Variants in PELI2 observed in about 807,000 individuals in gnomAD.
PELI2 encodes pellino E3 ubiquitin protein ligase family member 2.
Under a neutral mutation model 42.3 loss-of-function variants are expected in PELI2, and 23 were observed. That is an observed-to-expected ratio of 0.54 (90% CI 0.39 to 0.77). PELI2 has a LOEUF of 0.77. Ranked by LOEUF, PELI2 falls within the 30% of genes least tolerant of loss-of-function variation. The pLI, the probability that PELI2 is intolerant of heterozygous loss-of-function variation, is 0.00. For missense variants in PELI2, 463 were observed against 553.2 expected, an observed-to-expected ratio of 0.84 and a Z score of 1.64; for synonymous variants, 245 against 212.2, an observed-to-expected ratio of 1.15 and a Z score of -1.34.
intron 2 of PELI2, among the ~76,000 whole-genome samples, chr14:56,179,655 T>A (rs1179485551): frequency 2.0e-5 from 3 of 152,166 alleles, no homozygotes; most frequent in Non-Finnish European, 4.4e-5. Context: ...GAAATCCAAC[T>A]TTACGAAGAT....
At chr14:56,258,489 G>A (rs1289957309) in intron 2 of PELI2, among the ~76,000 whole-genome samples, 5 of 152,032 alleles carry the variant, frequency 3.3e-5, no homozygotes, top group African/African-American at 1.2e-4. Context: ...GACGTGGAAT[G>A]TAAAGGGAAA....
At chr14:56,295,554 C>A (rs1367019376) in intron 5 of PELI2, among the ~76,000 whole-genome samples, 1 of 152,178 alleles carries the variant, frequency 6.6e-6, no homozygotes, top group Non-Finnish European at 1.5e-5. Flanking sequence ...CATTTCTGAC[C>A]GTCTGTCATC....
intron 5 of PELI2, among the ~76,000 whole-genome samples, chr14:56,292,411 C>CTGTTTCAATT: frequency 6.6e-6 from 1 of 152,308 alleles, no homozygotes; most frequent in Non-Finnish European, 1.5e-5. Context: ...CTTTGAACTT[C>CTGTTTCAATT]TGTTTCAATT....
chr14:56,198,536 C>G (rs1333363039), intron 2 of PELI2, among the ~76,000 whole-genome samples: 1 of 152,164 alleles, frequency 6.6e-6, no homozygotes, highest in Non-Finnish European at 1.5e-5. Context: ...TGACCACTTG[C>G]AGGTTGGTGG....
intron 2 of PELI2, among the ~76,000 whole-genome samples, chr14:56,226,228 G>A (rs551293593): frequency 8.5e-5 from 13 of 152,110 alleles, no homozygotes; most frequent in Non-Finnish European, 1.9e-4. Flanking sequence ...CAAGGATTTC[G>A]CTCCCAGGTT....
intron 1 of PELI2, chr14:56,119,779 C>T (rs1363480830): frequency 1.0e-6 from 1 of 982,694 alleles, no homozygotes; most frequent in Non-Finnish European, 1.2e-6. Flanking sequence ...TTATTTTTTC[C>T]TTTGGATGTG....
At chr14:56,169,013 G>A (rs541049764) in intron 1 of PELI2, among the ~76,000 whole-genome samples, 1 of 152,174 alleles carries the variant, frequency 6.6e-6, no homozygotes, top group Non-Finnish European at 1.5e-5. Context: ...ACTCTGACTG[G>A]TGCCCTATCC....
intron 2 of PELI2, among the ~76,000 whole-genome samples, chr14:56,245,083 A>G (rs1289055465): frequency 6.6e-6 from 1 of 152,218 alleles, no homozygotes; most frequent in Non-Finnish European, 1.5e-5. Flanking sequence ...ACTTCTCTTA[A>G]TTCGAAACAT....
chr14:56,205,301 A>G (rs1157447469), intron 2 of PELI2, among the ~76,000 whole-genome samples: 1 of 152,166 alleles, frequency 6.6e-6, no homozygotes, highest in Non-Finnish European at 1.5e-5. Flanking sequence ...ACAGAAGATC[A>G]AAGAGTGATA....
At chr14:56,247,302 C>T (rs150308727) in intron 2 of PELI2, among the ~76,000 whole-genome samples, 54 of 152,320 alleles carry the variant, frequency 3.5e-4, no homozygotes, top group Admixed American at 1.2e-3. Context: ...TTATTTCAGT[C>T]AACTGTAGTT....
At position 56,238,572 on chromosome 14, in the gene PELI2, G is replaced by A. The variant is rs867161606; in HGVS notation, c.208-41104G>A. On this transcript the variant is annotated intron_variant, in intron 2 of 5. Transcript: ENST00000267460. ...AACCCTCATCCCTCCGTGCTCTTAAGTAACTTTTGTTGGGTTTCCTGACTT... is the reference window on the plus strand; with the variant it reads ...AACCCTCATCCCTCCGTGCTCTTAAATAACTTTTGTTGGGTTTCCTGACTT... 3.9e-5 allele frequency among the ~76,000 whole-genome samples: 6 copies of A among 152,242 alleles called. No individual in the cohort carries two copies. The Middle Eastern group carries it at 0.01, about 259-fold the overall frequency.
chr14:56,278,660 T>C (rs1889376540), intron 2 of PELI2, among the ~76,000 whole-genome samples: 1 of 152,200 alleles, frequency 6.6e-6, no homozygotes, highest in African/African-American at 2.4e-5. Flanking sequence ...TGGAATGTTT[T>C]ACTGTTTATT....
At chr14:56,186,611 G>A (rs1263530440) in intron 2 of PELI2, among the ~76,000 whole-genome samples, 1 of 152,160 alleles carries the variant, frequency 6.6e-6, no homozygotes, top group Non-Finnish European at 1.5e-5. Flanking sequence ...GAAAGGTTGG[G>A]GAAGAGATGA....
rs1383730694 is a variant in PELI2, at chr14:56,145,024, C to T, written c.77+26287C>T. ...AGGTGGGTGTTAGGTTAAGTCCTGG[C>T]TTCTAGGTGTATTGCTATGAAGAAC... is the stretch of plus-strand genomic sequence containing the variant. On this transcript the variant is annotated intron_variant, in intron 1 of 5. Transcript: ENST00000267460. The T allele has an allele frequency of 5.3e-6, 5 of 938,664 alleles. 1 individual carries two copies. In the South Asian group the frequency reaches 2.0e-4, roughly 37 times the overall value. 58.1% of individuals were successfully genotyped at this position (938,664 alleles called of 1,614,324 possible). A position where few individuals can be genotyped will look rare whatever the true frequency, so the allele number is the denominator to read the frequency against.
At chr14:56,259,330 C>G (rs1888636987) in intron 2 of PELI2, among the ~76,000 whole-genome samples, 1 of 152,054 alleles carries the variant, frequency 6.6e-6, no homozygotes. Context: ...ACACTTCTTT[C>G]TTATTTTTGA....
At chr14:56,187,910 T>C (rs1218850438) in intron 2 of PELI2, among the ~76,000 whole-genome samples, 2 of 152,214 alleles carry the variant, frequency 1.3e-5, no homozygotes, top group African/African-American at 4.8e-5. Context: ...CGCCGTGCTC[T>C]TCTCTGTGCT....
chr14:56,119,224 C>G (rs1029858629), intron 1 of PELI2: 1 of 151,982 alleles, frequency 6.6e-6, no homozygotes, highest in African/African-American at 2.4e-5. Context: ...CCCGCGCCCC[C>G]GAACTCCGAG....
Position 56,178,456 on chromosome 14 carries a change from G to A in PELI2, c.199G>A (p.Ala67Thr), listed in dbSNP as rs555225406. 2 of 1,614,142 alleles carry A rather than the reference G, an allele frequency of 1.2e-6. No homozygotes were observed. Among genetic ancestry groups the A allele is most frequent in the Admixed American group, 1.7e-5 (1 of 60,018 alleles). ...CGTCCATGTGATATCCACGCCCCAG[G>A]CATCCAAGGTAGGTGGGTCTGTCAA... ...STVHVISTPQ[A>T]SKAISCKGQH... Residue 67 changes from alanine to threonine, a missense_variant, in exon 2 of 6, where the codon GCA becomes ACA. Coordinates refer to ENST00000267460, the MANE Select transcript of PELI2 (RefSeq NM_021255.3).
At chr14:56,248,509 G>C (rs1405256992) in intron 2 of PELI2, among the ~76,000 whole-genome samples, 1 of 152,136 alleles carries the variant, frequency 6.6e-6, no homozygotes, top group Admixed American at 6.5e-5. Flanking sequence ...GAGGGTGACT[G>C]TGAGAAGGAG....
Sources: allele counts gnomAD v4.1 joint callset (sites outside exome capture counted in the v4.1 genomes callset), GRCh38; gene constraint gnomAD v4.1.1; transcripts MANE v1.5; gene names NCBI Gene and HGNC (gene_info 2026-07-23, HGNC 2026-07-21).